The following PPP2R5E variants were observed in gnomAD, a reference collection of about 807,000 sequenced individuals.
PPP2R5E encodes protein phosphatase 2 regulatory subunit B'epsilon.
PPP2R5E carries 4 observed loss-of-function variants against 65.3 expected under a neutral mutation model. That is an observed-to-expected ratio of 0.06 (90% CI 0.03 to 0.14). PPP2R5E has a LOEUF of 0.14. Among genes scored for constraint, PPP2R5E ranks in the 10% least tolerant of loss-of-function variants. The pLI is 1.00. For missense variants in PPP2R5E, 274 were observed against 556.1 expected (o/e 0.49, Z 5.10); for synonymous variants, 183 against 187.4 (o/e 0.98, Z 0.19).
chr14:63,495,851 C>T lies in PPP2R5E; in HGVS notation c.158-41966G>A, dbSNP rs183675219. Among the ~76,000 whole-genome samples the T allele has an allele frequency of 3.3e-5, 5 of 151,902 alleles. No homozygotes were observed. In the East Asian group the frequency reaches 9.7e-4, roughly 29 times the overall value. ...GAAAACAGGCATGTACCACCTTGCC[C>T]AGCTAGTTTCTTTGATTTTTGTAGA... On this transcript the variant is annotated intron_variant, in intron 2 of 13. Coordinates refer to ENST00000337537, the MANE Select transcript of PPP2R5E (RefSeq NM_006246.5).
intron 2 of PPP2R5E, among the ~76,000 whole-genome samples, chr14:63,495,718 T>G (rs932000315): frequency 7.9e-5 from 12 of 151,722 alleles, no homozygotes; most frequent in Admixed American, 2.6e-4. Flanking sequence ...CAAGAGAGGA[T>G]CTCTCTCTGT....
intron 2 of PPP2R5E, among the ~76,000 whole-genome samples, chr14:63,507,728 C>T (rs947067392): frequency 5.3e-5 from 8 of 151,378 alleles, no homozygotes; most frequent in Admixed American, 1.3e-4. Flanking sequence ...TACAGGCGCC[C>T]GCCACCACTC....
chr14:63,461,993 A>C (rs577140356), intron 2 of PPP2R5E, among the ~76,000 whole-genome samples: 2 of 151,864 alleles, frequency 1.3e-5, no homozygotes. Flanking sequence ...TCTGAGCCAT[A>C]TTATTCCTTT....
chr14:63,504,259 G>C lies in PPP2R5E; in HGVS notation c.157+35270C>G, dbSNP rs1390347508. Among the ~76,000 whole-genome samples, 5 of 151,876 alleles carry C rather than the reference G, an allele frequency of 3.3e-5. No homozygotes were observed. In the East Asian group the frequency reaches 9.7e-4, roughly 29 times the overall value. On this transcript the variant is annotated intron_variant, in intron 2 of 13. Coordinates refer to ENST00000337537, the MANE Select transcript of PPP2R5E (RefSeq NM_006246.5). ...ACTTTTCTTGGCAATCAAAAAAAAA[G>C]CAAAAACAAAAACAAAAAAAACCCA... is the stretch of plus-strand genomic sequence containing the variant.
chr14:63,523,637 C>A (rs1893064926), intron 2 of PPP2R5E, among the ~76,000 whole-genome samples: 1 of 151,454 alleles, frequency 6.6e-6, no homozygotes, highest in Non-Finnish European at 1.5e-5. Context: ...ATCTGCTGAC[C>A]TTCCCTCCAC....
At chr14:63,454,157 T>C (rs1473746561) in intron 2 of PPP2R5E, among the ~76,000 whole-genome samples, 2 of 152,200 alleles carry the variant, frequency 1.3e-5, no homozygotes, top group African/African-American at 4.8e-5. Flanking sequence ...CTTTAGAAGG[T>C]TGAAGCAAAT....
chr14:63,380,274 T>C (rs1884268635), intron 13 of PPP2R5E, among the ~76,000 whole-genome samples: 1 of 152,138 alleles, frequency 6.6e-6, no homozygotes, highest in Non-Finnish European at 1.5e-5. Context: ...CCCTTGGCCG[T>C]TTTTTTAAGT....
chr14:63,479,687 T>A (rs1890595525), intron 2 of PPP2R5E, among the ~76,000 whole-genome samples: 1 of 152,088 alleles, frequency 6.6e-6, no homozygotes, highest in East Asian at 1.9e-4. Context: ...AAATCTTAAC[T>A]GAAAAGGATG....
chr14:63,377,006 G>A (rs531447900), intron 13 of PPP2R5E, among the ~76,000 whole-genome samples: 80 of 152,222 alleles, frequency 5.3e-4, no homozygotes, highest in African/African-American at 1.6e-3. Flanking sequence ...GGTGGCGTAT[G>A]CCTAGAGTCC....
At chr14:63,503,183 G>T (rs1367933234) in intron 2 of PPP2R5E, among the ~76,000 whole-genome samples, 1 of 152,142 alleles carries the variant, frequency 6.6e-6, no homozygotes, top group Non-Finnish European at 1.5e-5. Flanking sequence ...TGTACAGAGG[G>T]ATTTTGGGAA....
chr14:63,432,935 C>A (rs1887752917), intron 3 of PPP2R5E, among the ~76,000 whole-genome samples: 2 of 151,224 alleles, frequency 1.3e-5, no homozygotes, highest in African/African-American at 4.9e-5. Flanking sequence ...CTAAGTCAAA[C>A]TAAGTTTTCA....
chr14:63,487,957 T>A lies in PPP2R5E; in HGVS notation c.158-34072A>T. Among the ~76,000 whole-genome samples the A allele has an allele frequency of 1.3e-5, 2 of 152,210 alleles. 1 individual carries two copies. On this transcript the variant is annotated intron_variant, in intron 2 of 13. Transcript: ENST00000337537. Reference sequence around the variant, plus strand: ...TTTCACATGGTCTCAACTGCTTCCTTATATTCTCCCTCATGTCTCCAAAAT... The same window carrying A: ...TTTCACATGGTCTCAACTGCTTCCTAATATTCTCCCTCATGTCTCCAAAAT...
intron 2 of PPP2R5E, among the ~76,000 whole-genome samples, chr14:63,499,553 G>A (rs936840851): frequency 2.0e-5 from 3 of 152,068 alleles, no homozygotes; most frequent in South Asian, 2.1e-4. Flanking sequence ...GGCAAAACCC[G>A]TCTCTACTAA....
rs565236173 is a variant in PPP2R5E at position 63,412,029 on chromosome 14, C to T, written c.549+3111G>A. Among the ~76,000 whole-genome samples, 32 of 152,040 alleles carry T rather than the reference C, an allele frequency of 2.1e-4. No individual in the cohort carries two copies. The South Asian group carries it at 6.4e-3, about 31-fold the overall frequency. On this transcript the variant is annotated intron_variant, in intron 5 of 13. Coordinates refer to ENST00000337537, the MANE Select transcript of PPP2R5E (RefSeq NM_006246.5). ...TTTTAATCAATGACTTAGATGAGGC[C>T]GATAGCATATTTAGGTTACAGATGT...
At chr14:63,421,583 T>C (rs1406085483) in intron 4 of PPP2R5E, among the ~76,000 whole-genome samples, 5 of 152,220 alleles carry the variant, frequency 3.3e-5, no homozygotes, top group Admixed American at 6.5e-5. Flanking sequence ...AACACATTTG[T>C]AGTTAATGTG....
chr14:63,536,982 C>T (rs1472447904), intron 2 of PPP2R5E, among the ~76,000 whole-genome samples: 1 of 152,026 alleles, frequency 6.6e-6, no homozygotes, highest in Non-Finnish European at 1.5e-5. Flanking sequence ...GCACTTAATG[C>T]ACATTTAAAC....
chr14:63,386,839 G>A (rs1222694585), intron 11 of PPP2R5E, among the ~76,000 whole-genome samples: 1 of 151,366 alleles, frequency 6.6e-6, no homozygotes, highest in African/African-American at 2.4e-5. Context: ...CACAAGAATC[G>A]CTTGAACCCG....
chr14:63,476,245 C>T (rs988956438), intron 2 of PPP2R5E, among the ~76,000 whole-genome samples: 2 of 151,876 alleles, frequency 1.3e-5, no homozygotes, highest in Admixed American at 6.6e-5. Flanking sequence ...CTTCTTTTTC[C>T]CCCCCTTTTG....
At chr14:63,393,732 A>AT (rs1201847694) in intron 8 of PPP2R5E, 88 bp downstream of exon 8, 1 of 916,964 alleles carries the variant, frequency 1.1e-6, no homozygotes, top group Non-Finnish European at 1.7e-6. Flanking sequence ...AACCAAAAAA[A>AT]CAAAATGAAG....
Sources: gnomAD v4.1 joint callset for allele counts (sites outside exome capture counted in the v4.1 genomes callset) on GRCh38, gnomAD v4.1.1 for gene constraint, MANE v1.5 for transcripts, NCBI Gene and HGNC (gene_info 2026-07-23, HGNC 2026-07-21) for gene names.